The following SVIL variants were observed in gnomAD, a reference collection of about 807,000 sequenced individuals.
The protein encoded by SVIL is archvillin.
Under a neutral mutation model 240.4 loss-of-function variants are expected in SVIL, and 101 were observed. That is an observed-to-expected ratio of 0.42 (90% CI 0.36 to 0.50). The LOEUF (loss-of-function observed/expected upper bound fraction) is 0.50. Ranked by LOEUF, SVIL falls within the 20% of genes least tolerant of loss-of-function variation. The probability of loss-of-function intolerance (pLI) is 0.01; values close to 1 mark genes in which losing one functional copy is unlikely to be tolerated. For synonymous variants in SVIL, 999 were observed against 1,100.0 expected, an observed-to-expected ratio of 0.91 and a Z score of 1.82; for missense variants, 2,512 against 2,818.7, an observed-to-expected ratio of 0.89 and a Z score of 2.46.
At chr10:29,599,897 G>A (rs536445281) in intron 1 of SVIL, among the ~76,000 whole-genome samples, 28 of 151,984 alleles carry the variant, frequency 1.8e-4, no homozygotes, top group African/African-American at 6.8e-4. Flanking sequence ...TCTTCTGTTT[G>A]GTTTGCTATC....
chr10:29,528,124 T>C lies in SVIL; in HGVS notation c.2247-1068A>G, dbSNP rs146553080. On this transcript the variant is annotated intron_variant, in intron 12 of 37. Coordinates refer to ENST00000355867, the MANE Select transcript of SVIL (RefSeq NM_021738.3). ...CTTAAAATGGGATTAATTTTTCTTA[T>C]ATTTACTGTTTTGCTCCCATGGGTA... 6.4e-3 allele frequency among the ~76,000 whole-genome samples: 977 copies of C among 152,334 alleles called. 6 individuals are homozygous for C. Among genetic ancestry groups the C allele is most frequent in the African/African-American group, 0.016 (652 of 41,582 alleles).
chr10:29,682,782 C>T (rs1012741935), intron 2 of SVIL, among the ~76,000 whole-genome samples: 3 of 152,148 alleles, frequency 2.0e-5, no homozygotes, highest in Non-Finnish European at 2.9e-5. Context: ...TTCAGATGTT[C>T]TCAAAAAACA....
chr10:29,718,606 C>T (rs1358246955), intron 1 of SVIL, among the ~76,000 whole-genome samples: 4 of 152,168 alleles, frequency 2.6e-5, no homozygotes, highest in Admixed American at 6.5e-5. Context: ...AGCCGAGAAT[C>T]TGGGGTAGAC....
chr10:29,649,948 C>T (rs925539177), intron 3 of SVIL, among the ~76,000 whole-genome samples: 1 of 152,162 alleles, frequency 6.6e-6, no homozygotes, highest in African/African-American at 2.4e-5. Flanking sequence ...TATAAAAGTG[C>T]GTACATTTCT....
intron 13 of SVIL, among the ~76,000 whole-genome samples, chr10:29,526,467 G>C (rs1184082271): frequency 6.6e-6 from 1 of 151,928 alleles, no homozygotes; most frequent in East Asian, 1.9e-4. Flanking sequence ...ACCATGCCCA[G>C]CTAATTTTTG....
intron 17 of SVIL, among the ~76,000 whole-genome samples, chr10:29,509,140 CCAGACCAAA>C (rs1406783010): frequency 2.0e-5 from 3 of 152,136 alleles, no homozygotes. Context: ...ACCGTGCAGA[CCAGACCAAA>C]TCCACAAAAC....
At chr10:29,547,337 T>C (rs1478755830) in intron 6 of SVIL, among the ~76,000 whole-genome samples, 4 of 152,204 alleles carry the variant, frequency 2.6e-5, no homozygotes, top group East Asian at 1.9e-4. Flanking sequence ...CTAATAAATA[T>C]ATAAACTACT....
At chr10:29,567,235 A>G (rs983797326) in intron 2 of SVIL, among the ~76,000 whole-genome samples, 2 of 152,130 alleles carry the variant, frequency 1.3e-5, no homozygotes, top group African/African-American at 4.8e-5. Flanking sequence ...GCACGGGGGA[A>G]TTTTATTAAA....
rs768425626 is a variant in SVIL at position 29,523,598 on chromosome 10, G to T, written c.3016C>A (p.Pro1006Thr). ...PRRGSLERAN[P>T]PITHLGDEPK... is the part of the protein sequence containing the mutation. ...TCATCCCCGAGGTGGGTGATGGGAG[G>T]GTTCGCCCGTTCCAGGCTTCCTCTT... The change falls in exon 15 of 38, where the codon CCT (proline) becomes ACT (threonine). Residue 1006 changes from proline (P) to threonine (T), a missense_variant. This residue lies in a region of SVIL where 1,443 missense variants were observed against 1,486.6 expected (regional missense o/e 0.97). Transcript: ENST00000355867. 6.2e-7 allele frequency: 1 copy of T among 1,614,106 alleles called. No homozygotes were observed. The highest frequency in any genetic ancestry group is 8.5e-7 in the Non-Finnish European group (1 of 1,180,026).
chr10:29,649,602 C>A (rs976102403), intron 3 of SVIL, among the ~76,000 whole-genome samples: 2 of 151,936 alleles, frequency 1.3e-5, no homozygotes, highest in Non-Finnish European at 2.9e-5. Flanking sequence ...ATTTTAGCTT[C>A]AAAAAAATTG....
chr10:29,529,672 T>C (rs773348023), intron 12 of SVIL, 33 bp downstream of exon 12: 9 of 1,561,482 alleles, frequency 5.8e-6, no homozygotes, highest in East Asian at 4.6e-5. Flanking sequence ...AAAGACACTA[T>C]AGACAAGGCT....
At chr10:29,699,276 GCA>G (rs1465031228) in intron 1 of SVIL, among the ~76,000 whole-genome samples, 20 of 152,150 alleles carry the variant, frequency 1.3e-4, no homozygotes, top group African/African-American at 4.8e-4. Context: ...CTACTGGCAT[GCA>G]TCACCATGAC....
rs191985933 is a variant in SVIL, at chr10:29,727,548, G to A, written c.-400+8203C>T. On this transcript the variant is annotated intron_variant, in intron 1 of 35. Transcript: ENST00000375400. ...CTCAGGCCGGTCAAACTGTAAACACGCAACAGAAGCTTTGCAGAATTACAT... is the reference window on the plus strand; with the variant it reads ...CTCAGGCCGGTCAAACTGTAAACACACAACAGAAGCTTTGCAGAATTACAT... Among the ~76,000 whole-genome samples, 15 of 152,128 alleles carry A rather than the reference G, an allele frequency of 9.9e-5. No individual in the cohort carries two copies. In the East Asian group the frequency reaches 2.1e-3, roughly 22 times the overall value.
At chr10:29,517,127 G>C (rs1486759643) in intron 16 of SVIL, among the ~76,000 whole-genome samples, 3 of 152,092 alleles carry the variant, frequency 2.0e-5, no homozygotes, top group Admixed American at 6.5e-5. Flanking sequence ...TTTGGAAAAG[G>C]AGGGCCAGGC....
chr10:29,536,575 A>G (rs1951755566), intron 6 of SVIL, among the ~76,000 whole-genome samples: 1 of 152,214 alleles, frequency 6.6e-6, no homozygotes. Flanking sequence ...ATCTAAGGCC[A>G]TCAAATCATG....
intron 2 of SVIL, among the ~76,000 whole-genome samples, chr10:29,680,157 C>A (rs1246696014): frequency 6.6e-6 from 1 of 152,164 alleles, no homozygotes; most frequent in African/African-American, 2.4e-5. Context: ...TGCATTCCAG[C>A]CTGGGTGACA....
intron 16 of SVIL, among the ~76,000 whole-genome samples, chr10:29,515,711 T>C (rs1290712747): frequency 6.6e-6 from 1 of 152,200 alleles, no homozygotes; most frequent in Non-Finnish European, 1.5e-5. Flanking sequence ...TTCATCTTCC[T>C]GAGTTGAGTT....
At chr10:29,536,103 C>A (rs1273031458) in intron 6 of SVIL, 34 bp from the exon 7 acceptor site, 1 of 1,596,320 alleles carries the variant, frequency 6.3e-7, no homozygotes. Flanking sequence ...CAGATAATCT[C>A]TATTAAAACG....
intron 1 of SVIL, among the ~76,000 whole-genome samples, chr10:29,732,457 A>T (rs1357059914): frequency 6.6e-6 from 1 of 152,200 alleles, no homozygotes; most frequent in African/African-American, 2.4e-5. Context: ...TACAATATAG[A>T]GTATATTTGC....
Sources: allele counts gnomAD v4.1 joint callset (sites outside exome capture counted in the v4.1 genomes callset), GRCh38; gene constraint gnomAD v4.1.1; regional missense constraint gnomAD v4.1.1; transcripts MANE v1.5; gene names NCBI Gene and HGNC (gene_info 2026-07-23, HGNC 2026-07-21).